The following DLG2 variants were observed in gnomAD, a reference collection of about 807,000 sequenced individuals.
The protein encoded by DLG2 is disks large homolog 2.
Under a neutral mutation model 132.5 loss-of-function variants are expected in DLG2, and 45 were observed. That is an observed-to-expected ratio of 0.34 (90% CI 0.27 to 0.44). The LOEUF (loss-of-function observed/expected upper bound fraction) is 0.44. Among genes scored for constraint, DLG2 ranks in the 20% least tolerant of loss-of-function variants. The pLI, the probability that DLG2 is intolerant of heterozygous loss-of-function variation, is 1.00. For synonymous variants in DLG2, 424 were observed against 419.6 expected (o/e 1.01, Z -0.13); for missense variants, 1,045 against 1,196.9 (o/e 0.87, Z 1.87).
intron 3 of DLG2, among the ~76,000 whole-genome samples, chr11:85,513,262 G>A (rs1246857422): frequency 6.6e-6 from 1 of 151,770 alleles, no homozygotes; most frequent in Non-Finnish European, 1.5e-5. Context: ...ATTAGCAATG[G>A]GATCATTAGA....
chr11:85,399,548 A>C (rs901989545), intron 3 of DLG2, among the ~76,000 whole-genome samples: 7 of 152,214 alleles, frequency 4.6e-5, no homozygotes, highest in Non-Finnish European at 1.0e-4. Context: ...AGGCTACAGT[A>C]ACCAAAACAG....
At chr11:85,232,483 G>A (rs2075353978) in intron 4 of DLG2, among the ~76,000 whole-genome samples, 1 of 151,652 alleles carries the variant, frequency 6.6e-6, no homozygotes, top group Admixed American at 6.6e-5. Flanking sequence ...TTACAACAAA[G>A]GTATCAATAT....
At chr11:85,157,169 C>T (rs2077647997) in intron 4 of DLG2, among the ~76,000 whole-genome samples, 1 of 152,152 alleles carries the variant, frequency 6.6e-6, no homozygotes, top group Admixed American at 6.5e-5. Flanking sequence ...CATTGGACTC[C>T]AAGTTCTTCA....
At chr11:85,148,783 G>A (rs1594840183) in intron 5 of DLG2, among the ~76,000 whole-genome samples, 5 of 152,246 alleles carry the variant, frequency 3.3e-5, no homozygotes, top group African/African-American at 9.6e-5. Context: ...TTTGGCTTTT[G>A]TTGCTATTGC....
intron 3 of DLG2, among the ~76,000 whole-genome samples, chr11:85,399,139 GACAA>G (rs1299227537): frequency 2.6e-5 from 4 of 152,018 alleles, no homozygotes; most frequent in African/African-American, 7.2e-5. Flanking sequence ...ACCAATAACA[GACAA>G]ACAGAGAGCC....
chr11:83,470,318 C>T (rs1045111662), intron 24 of DLG2, among the ~76,000 whole-genome samples: 1 of 151,862 alleles, frequency 6.6e-6, no homozygotes, highest in African/African-American at 2.4e-5. Flanking sequence ...AAAATGCATG[C>T]ATAGAAAGAA....
chr11:85,172,978 G>A (rs953994381), intron 4 of DLG2, among the ~76,000 whole-genome samples: 1 of 152,166 alleles, frequency 6.6e-6, no homozygotes, highest in Admixed American at 6.5e-5. Flanking sequence ...TACGTAAAGT[G>A]ACCAAACCTA....
At chr11:84,335,159 G>GC (rs1276229972) in intron 7 of DLG2, among the ~76,000 whole-genome samples, 1 of 9,170 alleles carries the variant, frequency 1.1e-4, no homozygotes, top group Non-Finnish European at 2.4e-4. Flanking sequence ...AATAAAGAAA[G>GC]CAAAAAAAAA....
intron 4 of DLG2, among the ~76,000 whole-genome samples, chr11:85,196,668 T>C (rs2081091009): frequency 6.6e-6 from 1 of 152,242 alleles, no homozygotes; most frequent in Non-Finnish European, 1.5e-5. Context: ...GAGCAAAGAC[T>C]GACTTAAGCA....
chr11:85,601,205 C>T (rs960442378), intron 2 of DLG2, among the ~76,000 whole-genome samples: 3 of 152,000 alleles, frequency 2.0e-5, no homozygotes, highest in African/African-American at 7.2e-5. Flanking sequence ...ATGGGGTCTC[C>T]CTACATTGCC....
chr11:83,671,664 T>C (rs1276800647), intron 18 of DLG2, among the ~76,000 whole-genome samples: 1 of 152,226 alleles, frequency 6.6e-6, no homozygotes, highest in Non-Finnish European at 1.5e-5. Context: ...TGCTTATTTA[T>C]TTTTTGTTTC....
chr11:83,530,974 A>T (rs2095727866), intron 21 of DLG2, among the ~76,000 whole-genome samples: 1 of 152,028 alleles, frequency 6.6e-6, no homozygotes. Context: ...AAAGAATGAA[A>T]TCAGAACCCT....
intron 6 of DLG2, among the ~76,000 whole-genome samples, chr11:84,875,910 G>A (rs972329986): frequency 6.6e-6 from 1 of 152,072 alleles, no homozygotes; most frequent in Admixed American, 6.5e-5. Context: ...GCTAATTTTT[G>A]TATTTTTAGT....
intron 7 of DLG2, among the ~76,000 whole-genome samples, chr11:84,365,068 A>G (rs896048788): frequency 6.6e-5 from 10 of 151,992 alleles, no homozygotes; most frequent in Non-Finnish European, 1.2e-4. Context: ...TATTGATTGG[A>G]ATAGTTTCAG....
intron 6 of DLG2, among the ~76,000 whole-genome samples, chr11:84,912,894 T>C (rs1257642131): frequency 1.3e-5 from 2 of 152,218 alleles, no homozygotes; most frequent in South Asian, 2.1e-4. Context: ...CCAGTTCTTA[T>C]CTGTATTTAA....
At chr11:84,578,927 C>T (rs982849330) in intron 6 of DLG2, among the ~76,000 whole-genome samples, 5 of 152,016 alleles carry the variant, frequency 3.3e-5, no homozygotes, top group Non-Finnish European at 7.4e-5. Context: ...TCATGGTGGC[C>T]GGTCTTTCCC....
At chr11:83,624,867 C>A (rs1404001070) in intron 19 of DLG2, among the ~76,000 whole-genome samples, 1 of 152,122 alleles carries the variant, frequency 6.6e-6, no homozygotes, top group African/African-American at 2.4e-5. Flanking sequence ...TTAACCAGTG[C>A]CTTGACAAGT....
Position 84,484,135 on chromosome 11 carries a change from C to T in DLG2, c.519+50435G>A, listed in dbSNP as rs1567752956. Among the ~76,000 whole-genome samples, 4 of 152,100 alleles carry T rather than the reference C, an allele frequency of 2.6e-5. No homozygotes were observed. The South Asian group carries it at 6.2e-4, about 24-fold the overall frequency. On this transcript the variant is annotated intron_variant, in intron 7 of 27. Coordinates refer to ENST00000376104, the MANE Select transcript of DLG2 (RefSeq NM_001142699.3). ...TACTGTGGGGTACAAGAGATGGTTG[C>T]ACCTCACCTCCTTAAACTTAGGTAT...
intron 3 of DLG2, among the ~76,000 whole-genome samples, chr11:85,477,812 G>A (rs1258499915): frequency 6.6e-6 from 1 of 152,166 alleles, no homozygotes; most frequent in Non-Finnish European, 1.5e-5. Flanking sequence ...AAGGACAATA[G>A]AAAGTATTTT....
Sources: gnomAD v4.1 joint callset for allele counts (sites outside exome capture counted in the v4.1 genomes callset) on GRCh38, gnomAD v4.1.1 for gene constraint, MANE v1.5 for transcripts, NCBI Gene and HGNC (gene_info 2026-07-23, HGNC 2026-07-21) for gene names.